The following CCDC171 variants were observed in gnomAD, a reference collection of about 807,000 sequenced individuals.
The protein encoded by CCDC171 is coiled-coil domain containing 171.
In CCDC171, 177 loss-of-function variants were observed where a neutral mutation model predicts 168.2. That is an observed-to-expected ratio of 1.05 (90% confidence interval 0.93 to 1.19). CCDC171 has a LOEUF of 1.19. CCDC171 is among the 50% of genes most tolerant of loss of function. The pLI is 0.00. For missense variants in CCDC171, 1,991 were observed against 1,539.0 expected, an observed-to-expected ratio of 1.29 and a Z score of -4.91; for synonymous variants, 687 against 540.8, an observed-to-expected ratio of 1.27 and a Z score of -3.75.
chr9:15,590,930 G>T (rs2041966477), intron 4 of CCDC171, among the ~76,000 whole-genome samples: 1 of 149,124 alleles, frequency 6.7e-6, no homozygotes, highest in African/African-American at 2.5e-5. Flanking sequence ...GTTCAGGCTG[G>T]TCTTGAACTC....
chr9:15,573,681 A>G lies in CCDC171; in HGVS notation c.177+1922A>G, dbSNP rs540822537. Reference sequence around the variant, plus strand: ...TGTGTTAAATGTGTGCTAATTATTCATAAACTCTAAAACTTGTTTTTTTAA... The same window carrying G: ...TGTGTTAAATGTGTGCTAATTATTCGTAAACTCTAAAACTTGTTTTTTTAA... On this transcript the variant is annotated intron_variant, in intron 3 of 25. Transcript: ENST00000380701. 1.2e-4 allele frequency among the ~76,000 whole-genome samples: 19 copies of G among 152,368 alleles called. No homozygotes were observed. In the South Asian group the frequency reaches 2.5e-3, roughly 20 times the overall value.
intron 11 of CCDC171, among the ~76,000 whole-genome samples, chr9:15,707,171 T>C (rs2133968631): frequency 6.6e-6 from 1 of 152,336 alleles, no homozygotes; most frequent in East Asian, 1.9e-4. Context: ...TGGCTTCCCT[T>C]ATCTCCTAAT....
At chr9:15,941,827 C>G (rs1380106612) in intron 25 of CCDC171, among the ~76,000 whole-genome samples, 1 of 151,818 alleles carries the variant, frequency 6.6e-6, no homozygotes, top group Admixed American at 6.6e-5. Context: ...CATAAGGTTA[C>G]CAGTTAAAAG....
chr9:15,731,785 G>A (rs1045182718), intron 16 of CCDC171, among the ~76,000 whole-genome samples: 3 of 151,986 alleles, frequency 2.0e-5, no homozygotes, highest in African/African-American at 7.2e-5. Flanking sequence ...TCTAAAAAAT[G>A]CTTGTGTCAT....
At chr9:15,636,434 G>T (rs578210702) in intron 7 of CCDC171, among the ~76,000 whole-genome samples, 1 of 152,132 alleles carries the variant, frequency 6.6e-6, no homozygotes, top group East Asian at 1.9e-4. Flanking sequence ...TTAATACTAT[G>T]GTTTGTAGAT....
In CCDC171 at chr9:15,578,960, C is replaced by T; in HGVS notation, c.289C>T (p.Leu97Phe). Residue 97 changes from leucine to phenylalanine, a missense_variant, in exon 4 of 26, where the codon CTT becomes TTT. By Grantham distance (22) the Leu-to-Phe change is conservative (BLOSUM62 0). Transcript: ENST00000380701. Reference sequence around the variant, plus strand: ...AGCTGTTGCTAGAAAGGAAGCTGGTCTTGGAAGACGGGCTGCTGAAGAAAG... The same window carrying T: ...AGCTGTTGCTAGAAAGGAAGCTGGTTTTGGAAGACGGGCTGCTGAAGAAAG... ...DLAVARKEAG[L>F]GRRAAEERLA... is the part of the protein sequence containing the mutation. The T allele has an allele frequency of 6.2e-7, 1 of 1,614,016 alleles. No individual in the cohort carries two copies.
the CCDC171 span, among the ~76,000 whole-genome samples, chr9:16,106,441 C>G: frequency 6.6e-6 from 1 of 152,154 alleles, no homozygotes; most frequent in East Asian, 1.9e-4. Context: ...CCTTCTGCCT[C>G]TCCCGGGCCT....
intron 6 of CCDC171, among the ~76,000 whole-genome samples, chr9:16,028,456 G>A (rs1314341509): frequency 6.6e-6 from 1 of 152,164 alleles, no homozygotes; most frequent in African/African-American, 2.4e-5. Context: ...TACAAAAGGA[G>A]CTACAGTCAG....
intron 8 of CCDC171, among the ~76,000 whole-genome samples, chr9:16,037,385 C>G (rs577318736): frequency 6.6e-6 from 1 of 152,258 alleles, no homozygotes; most frequent in East Asian, 1.9e-4. Flanking sequence ...ACGTCCTCAA[C>G]CCAGACCACA....
chr9:15,679,932 C>T (rs778495348), intron 10 of CCDC171, among the ~76,000 whole-genome samples: 5 of 152,110 alleles, frequency 3.3e-5, no homozygotes, highest in Non-Finnish European at 7.3e-5. Context: ...CTTTTCTTTT[C>T]CATTAACAGA....
chr9:15,870,019 C>G (rs2061967544), intron 23 of CCDC171, among the ~76,000 whole-genome samples: 1 of 151,522 alleles, frequency 6.6e-6, no homozygotes, highest in African/African-American at 2.4e-5. Context: ...CTTGGTGAAC[C>G]ATATGGTCTT....
At chr9:15,676,561 C>T (rs1386688748) in intron 9 of CCDC171, among the ~76,000 whole-genome samples, 1 of 151,986 alleles carries the variant, frequency 6.6e-6, no homozygotes, top group Non-Finnish European at 1.5e-5. Context: ...TTTAGGTTCC[C>T]TGTACACAGT....
At chr9:15,921,118 C>G (rs373757682) in intron 25 of CCDC171, among the ~76,000 whole-genome samples, 103 of 151,762 alleles carry the variant, frequency 6.8e-4, no homozygotes, top group African/African-American at 2.3e-3. Flanking sequence ...ATTGGAATGT[C>G]TTTTTAATTT....
At position 15,591,380 on chromosome 9, in the gene CCDC171, C is replaced by G; in HGVS notation, c.367C>G (p.Leu123Val). The G allele has an allele frequency of 6.3e-7, 1 of 1,599,132 alleles. No homozygotes were observed. Among genetic ancestry groups the G allele is most frequent in the Non-Finnish European group, 8.5e-7 (1 of 1,173,630 alleles). Residue 123 changes from leucine to valine, a missense_variant, in exon 5 of 26, where the codon CTT (leucine) becomes GTT (valine). Coordinates refer to ENST00000380701, the MANE Select transcript of CCDC171 (RefSeq NM_173550.4). Reference protein sequence around the residue: ...QEKLCAQNSELQAKTNETEKA... With the variant: ...QEKLCAQNSEVQAKTNETEKA... ...ATTCTTAATAGCACAGAATTCAGAA[C>G]TTCAAGCAAAGACAAATGAGACTGA...
At chr9:15,773,715 T>G (rs1418114173) in intron 18 of CCDC171, among the ~76,000 whole-genome samples, 1 of 152,020 alleles carries the variant, frequency 6.6e-6, no homozygotes, top group Admixed American at 6.5e-5. Context: ...TTTTTTTTGT[T>G]TTTTCATTTA....
intron 7 of CCDC171, among the ~76,000 whole-genome samples, chr9:15,625,208 G>T (rs868316500): frequency 2.0e-4 from 31 of 152,202 alleles, no homozygotes; most frequent in Middle Eastern, 3.4e-3. Flanking sequence ...TGTAGATTCT[G>T]GATATTAGCC....
chr9:15,962,684 C>A (rs1463455608), intron 25 of CCDC171, among the ~76,000 whole-genome samples: 1 of 151,964 alleles, frequency 6.6e-6, no homozygotes, highest in African/African-American at 2.4e-5. Flanking sequence ...ATAACTTTCT[C>A]TCATGATTCA....
chr9:15,798,412 T>G (rs2058661845), intron 21 of CCDC171, among the ~76,000 whole-genome samples: 1 of 152,140 alleles, frequency 6.6e-6, no homozygotes, highest in African/African-American at 2.4e-5. Context: ...TCTGTTATTT[T>G]TATTATTTCC....
chr9:16,008,160 G>C (rs1235411405), intron 3 of CCDC171, among the ~76,000 whole-genome samples: 1 of 152,114 alleles, frequency 6.6e-6, no homozygotes, highest in Non-Finnish European at 1.5e-5. Context: ...CTAAATCAGA[G>C]GACTCAAAAA....
Sources: gnomAD v4.1 joint callset for allele counts (sites outside exome capture counted in the v4.1 genomes callset) on GRCh38, gnomAD v4.1.1 for gene constraint, MANE v1.5 for transcripts, NCBI Gene and HGNC (gene_info 2026-07-23, HGNC 2026-07-21) for gene names.